The following SSH2 variants were observed in gnomAD, a reference collection of about 807,000 sequenced individuals.
SSH2 encodes the protein slingshot protein phosphatase 2, also known as protein phosphatase Slingshot homolog 2.
In SSH2, 37 loss-of-function variants were observed where a neutral mutation model predicts 135.2. The observed-to-expected ratio is 0.27, with a 90% CI of 0.21 to 0.36. The LOEUF (loss-of-function observed/expected upper bound fraction) is 0.36. SSH2 is among the 10% of genes least tolerant of loss of function. The probability of loss-of-function intolerance (pLI) is 1.00; values close to 1 mark genes in which losing one functional copy is unlikely to be tolerated. For missense variants in SSH2, 1,408 were observed against 1,765.3 expected (o/e 0.80, Z 3.63); for synonymous variants, 628 against 646.2 (o/e 0.97, Z 0.43).
chr17:29,655,161 T>C (rs1373356232), intron 12 of SSH2, among the ~76,000 whole-genome samples: 1 of 152,120 alleles, frequency 6.6e-6, no homozygotes, highest in African/African-American at 2.4e-5. Context: ...TGGAGTGCAG[T>C]GGCGTGATCT....
At chr17:29,761,405 C>T (rs1416062989) in intron 3 of SSH2, 8 of 1,060,598 alleles carry the variant, frequency 7.5e-6, no homozygotes, top group South Asian at 2.5e-5. Flanking sequence ...CCGCCGAAGC[C>T]CCAGGGCTCG....
chr17:29,735,255 C>G (rs1411038388), intron 3 of SSH2, among the ~76,000 whole-genome samples: 1 of 152,040 alleles, frequency 6.6e-6, no homozygotes, highest in African/African-American at 2.4e-5. Context: ...CCACTACTAC[C>G]CCTCACTTTT....
intron 3 of SSH2, among the ~76,000 whole-genome samples, chr17:29,762,988 A>G (rs529531550): frequency 2.1e-4 from 32 of 152,362 alleles, no homozygotes; most frequent in African/African-American, 7.5e-4. Context: ...AAGACTCAAC[A>G]TGCTATAATC....
intron 3 of SSH2, among the ~76,000 whole-genome samples, chr17:29,721,826 C>A (rs141729265): frequency 1.3e-5 from 2 of 152,078 alleles, no homozygotes; most frequent in African/African-American, 4.8e-5. Context: ...AAAAGGGAGA[C>A]GACCAGTTAC....
intron 3 of SSH2, among the ~76,000 whole-genome samples, chr17:29,766,020 C>CAAAAA (rs56037567): frequency 1.5e-4 from 15 of 100,590 alleles, no homozygotes; most frequent in South Asian, 3.5e-4. Flanking sequence ...ACTCCGTCTC[C>CAAAAA]AAAAAAAAAA....
At chr17:29,731,607 C>T (rs778218546) in intron 3 of SSH2, among the ~76,000 whole-genome samples, 11 of 152,078 alleles carry the variant, frequency 7.2e-5, no homozygotes, top group East Asian at 1.9e-4. Flanking sequence ...AGGCATGCGC[C>T]GCTACACCCG....
At chr17:29,670,469 T>C (rs761905259) in intron 9 of SSH2, among the ~76,000 whole-genome samples, 1 of 152,228 alleles carries the variant, frequency 6.6e-6, no homozygotes, top group Non-Finnish European at 1.5e-5. Flanking sequence ...GTTCCTTTCA[T>C]ACAATTTTTG....
intron 1 of SSH2, among the ~76,000 whole-genome samples, chr17:29,913,556 AC>A (rs2066825680): frequency 6.7e-6 from 1 of 150,052 alleles, no homozygotes. Flanking sequence ...AATTCTGTGA[AC>A]CCCTAGGAAG....
intron 3 of SSH2, among the ~76,000 whole-genome samples, chr17:29,718,115 A>T (rs1418857968): frequency 6.6e-6 from 1 of 152,214 alleles, no homozygotes; most frequent in East Asian, 1.9e-4. Context: ...AAATCCAATG[A>T]ACATTTTCTC....
chr17:29,711,240 T>C (rs760220134), intron 3 of SSH2, among the ~76,000 whole-genome samples: 2 of 152,228 alleles, frequency 1.3e-5, no homozygotes, highest in South Asian at 2.1e-4. Context: ...AGGATGCAGC[T>C]ATCTGTTTTT....
chr17:29,755,075 A>G (rs1598942545), intron 3 of SSH2, among the ~76,000 whole-genome samples: 2 of 152,358 alleles, frequency 1.3e-5, no homozygotes, highest in East Asian at 3.9e-4. Flanking sequence ...TAACACTAAC[A>G]CCTTGGCTCC....
At chr17:29,866,671 G>C (rs1279670682) in intron 1 of SSH2, among the ~76,000 whole-genome samples, 1 of 152,152 alleles carries the variant, frequency 6.6e-6, no homozygotes, top group Non-Finnish European at 1.5e-5. Flanking sequence ...TATGTGTCTA[G>C]TTGCTAATTA....
intron 11 of SSH2, among the ~76,000 whole-genome samples, chr17:29,663,073 ATC>A (rs1281629729): frequency 6.6e-6 from 1 of 151,650 alleles, no homozygotes; most frequent in Non-Finnish European, 1.5e-5. Context: ...AGGGTGTAGA[ATC>A]TCTTTTTCTA....
intron 3 of SSH2, among the ~76,000 whole-genome samples, chr17:29,782,376 C>T (rs76882328): frequency 1.1e-3 from 175 of 152,248 alleles, no homozygotes; most frequent in African/African-American, 4.1e-3. Context: ...AATCCCTGTC[C>T]TCATGCTGCT....
chr17:29,929,541 G>C (rs2067141469), intron 1 of SSH2, among the ~76,000 whole-genome samples: 1 of 152,142 alleles, frequency 6.6e-6, no homozygotes, highest in South Asian at 2.1e-4. Context: ...GAAATGGTGT[G>C]GGTAAGAGAT....
At chr17:29,711,810 T>C (rs953222583) in intron 3 of SSH2, among the ~76,000 whole-genome samples, 2 of 152,178 alleles carry the variant, frequency 1.3e-5, no homozygotes, top group Non-Finnish European at 2.9e-5. Context: ...TTTAGATACA[T>C]GGGGAGTGTC....
At chr17:29,726,689 A>G (rs1202671253) in intron 3 of SSH2, among the ~76,000 whole-genome samples, 1 of 152,248 alleles carries the variant, frequency 6.6e-6, no homozygotes, top group Non-Finnish European at 1.5e-5. Flanking sequence ...ATGTTTTGAT[A>G]TGTGAAAATC....
chr17:29,898,030 T>G (rs1461379092), intron 1 of SSH2, among the ~76,000 whole-genome samples: 1 of 152,086 alleles, frequency 6.6e-6, no homozygotes, highest in Non-Finnish European at 1.5e-5. Flanking sequence ...GTATGACTAC[T>G]GGGTACATAA....
intron 3 of SSH2, among the ~76,000 whole-genome samples, chr17:29,757,212 A>G (rs375266747): frequency 3.5e-4 from 53 of 152,342 alleles, no homozygotes; most frequent in African/African-American, 1.2e-3. Context: ...TGAGGTTTAC[A>G]GAATCAGGTC....
Sources: gnomAD v4.1 joint callset for allele counts (sites outside exome capture counted in the v4.1 genomes callset) on GRCh38, gnomAD v4.1.1 for gene constraint, MANE v1.5 for transcripts, NCBI Gene and HGNC (gene_info 2026-07-23, HGNC 2026-07-21) for gene names.